MECOM: variants seen among roughly 807,000 people sequenced by gnomAD.
MECOM encodes the protein MDS1 and EVI1 complex locus.
MECOM carries 13 observed loss-of-function variants against 116.3 expected under a neutral mutation model. That is an observed-to-expected ratio of 0.11 (90% CI 0.07 to 0.18). The LOEUF (loss-of-function observed/expected upper bound fraction) is 0.18, where lower values mean the gene tolerates loss of function less well. MECOM is among the 10% of genes least tolerant of loss of function. The pLI is 1.00. For missense variants in MECOM, 1,299 were observed against 1,509.0 expected, an observed-to-expected ratio of 0.86 and a Z score of 2.31; for synonymous variants, 528 against 535.2, an observed-to-expected ratio of 0.99 and a Z score of 0.19.
At chr3:169,317,573 A>G (rs900601060) in intron 2 of MECOM, among the ~76,000 whole-genome samples, 8 of 152,150 alleles carry the variant, frequency 5.3e-5, no homozygotes, top group African/African-American at 1.9e-4. Context: ...CAAGAAACGA[A>G]ATCCTGGTTT....
chr3:169,389,085 C>T (rs1396895051), intron 1 of MECOM, among the ~76,000 whole-genome samples: 1 of 152,140 alleles, frequency 6.6e-6, no homozygotes, highest in Non-Finnish European at 1.5e-5. Flanking sequence ...GCTTTTAAAT[C>T]TGGTTAAGAG....
intron 7 of MECOM, among the ~76,000 whole-genome samples, chr3:169,118,641 C>G (rs935262129): frequency 6.6e-6 from 1 of 151,938 alleles, no homozygotes; most frequent in Non-Finnish European, 1.5e-5. Flanking sequence ...AGTATTCAAC[C>G]AAGACATAAG....
At chr3:169,525,506 A>G (rs1312625598) in intron 1 of MECOM, among the ~76,000 whole-genome samples, 1 of 152,210 alleles carries the variant, frequency 6.6e-6, no homozygotes, top group Non-Finnish European at 1.5e-5. Context: ...CCTTTAATGC[A>G]TATTAGAAGA....
chr3:169,659,088 A>AAAAAAAAAGAAAAG (rs1553909425), intron 1 of MECOM, among the ~76,000 whole-genome samples: 1 of 150,962 alleles, frequency 6.6e-6, no homozygotes, highest in African/African-American at 2.5e-5. Context: ...AAAAAAAAAA[A>AAAAAAAAAGAAAAG]AAAGAAAGAG....
At position 169,403,218 on chromosome 3, in the gene MECOM, C is replaced by G. The variant is rs904232410; in HGVS notation, c.38-21694G>C. 3.9e-5 allele frequency among the ~76,000 whole-genome samples: 6 copies of G among 152,290 alleles called. No individual in the cohort carries two copies. The South Asian group carries it at 6.2e-4, about 16-fold the overall frequency. ...GCCCACAGGTCCCTCAGCCTATGTG[C>G]CTTCTTCCCCAAAGGAGATCTGATC... On this transcript the variant is annotated intron_variant, in intron 1 of 16. Transcript: ENST00000651503.
chr3:169,456,418 C>G (rs1746511985), intron 1 of MECOM, among the ~76,000 whole-genome samples: 1 of 152,150 alleles, frequency 6.6e-6, no homozygotes, highest in Non-Finnish European at 1.5e-5. Flanking sequence ...TATATATTCA[C>G]CAAGTCAGTA....
At chr3:169,256,126 A>C (rs942099498) in intron 2 of MECOM, among the ~76,000 whole-genome samples, 1 of 152,226 alleles carries the variant, frequency 6.6e-6, no homozygotes, top group Non-Finnish European at 1.5e-5. Flanking sequence ...AAATCAAACC[A>C]ATATAAATAA....
At chr3:169,413,768 C>T (rs1738019522) in intron 1 of MECOM, among the ~76,000 whole-genome samples, 1 of 152,088 alleles carries the variant, frequency 6.6e-6, no homozygotes, top group Admixed American at 6.5e-5. Flanking sequence ...ACAAAGCCAC[C>T]AGGAGGTTTC....
At chr3:169,483,196 AT>A (rs757660718) in intron 1 of MECOM, among the ~76,000 whole-genome samples, 243 of 104,772 alleles carry the variant, frequency 2.3e-3, no homozygotes, top group Non-Finnish European at 3.6e-3. Flanking sequence ...TTTTATTTTT[AT>A]TTTTATTTTT....
chr3:169,222,369 C>T (rs1752235239), intron 2 of MECOM, among the ~76,000 whole-genome samples: 1 of 152,184 alleles, frequency 6.6e-6, no homozygotes, highest in African/African-American at 2.4e-5. Context: ...TTGTTACAGC[C>T]TCTTATTCCT....
At chr3:169,457,992 G>A (rs965596864) in intron 1 of MECOM, among the ~76,000 whole-genome samples, 3 of 152,198 alleles carry the variant, frequency 2.0e-5, no homozygotes, top group African/African-American at 7.2e-5. Flanking sequence ...CCCAAGCTGC[G>A]CAATGGCAGG....
intron 1 of MECOM, among the ~76,000 whole-genome samples, chr3:169,642,662 G>A (rs1010863442): frequency 2.7e-4 from 41 of 151,810 alleles, no homozygotes; most frequent in African/African-American, 8.2e-4. Flanking sequence ...AAATTATCTC[G>A]GAGATTGAGC....
rs907777059 is a variant in MECOM, at chr3:169,102,356, A to G, written c.2605-130T>C. ...ACGGGTTGTAGAAAGAGACTGTAGTATCCCAATATTAAATAAACAACAACA... is the reference window on the plus strand; with the variant it reads ...ACGGGTTGTAGAAAGAGACTGTAGTGTCCCAATATTAAATAAACAACAACA... On this transcript the variant is annotated intron_variant, in intron 10 of 16. Transcript: ENST00000651503. 4.6e-6 allele frequency: 3 copies of G among 655,556 alleles called. No individual in the cohort carries two copies. The African/African-American group carries it at 5.5e-5, about 12-fold the overall frequency. 40.6% of individuals were successfully genotyped at this position (655,556 alleles called of 1,614,324 possible).
chr3:169,474,011 T>A (rs1749965957), intron 1 of MECOM, among the ~76,000 whole-genome samples: 1 of 152,134 alleles, frequency 6.6e-6, no homozygotes, highest in Admixed American at 6.5e-5. Flanking sequence ...CAGGACAGAT[T>A]GGGTCAGTAG....
intron 2 of MECOM, among the ~76,000 whole-genome samples, chr3:169,246,680 C>A (rs1368281211): frequency 6.6e-6 from 1 of 152,000 alleles, no homozygotes; most frequent in African/African-American, 2.4e-5. Flanking sequence ...TGCCACCATG[C>A]CCAGCTAATT....
intron 2 of MECOM, among the ~76,000 whole-genome samples, chr3:169,310,539 G>T (rs1035846856): frequency 5.9e-5 from 9 of 152,212 alleles, no homozygotes; most frequent in African/African-American, 1.9e-4. Flanking sequence ...ATTTCCTAGA[G>T]AATTGCCTAG....
intron 2 of MECOM, among the ~76,000 whole-genome samples, chr3:169,316,286 C>T (rs1336220421): frequency 3.9e-5 from 6 of 152,228 alleles, no homozygotes; most frequent in Non-Finnish European, 1.5e-5. Flanking sequence ...AAAACACCCT[C>T]TCACATCTTG....
At chr3:169,450,697 AC>A (rs1356903645) in intron 1 of MECOM, among the ~76,000 whole-genome samples, 1 of 152,128 alleles carries the variant, frequency 6.6e-6, no homozygotes, top group Non-Finnish European at 1.5e-5. Context: ...GTGAAAACAC[AC>A]AGATCCTGAC....
chr3:169,124,114 A>T (rs1396204837), intron 5 of MECOM, among the ~76,000 whole-genome samples: 3 of 152,128 alleles, frequency 2.0e-5, no homozygotes. Context: ...GAATTAATGA[A>T]TCTAGGCAAT....
Sources: allele counts gnomAD v4.1 joint callset (sites outside exome capture counted in the v4.1 genomes callset), GRCh38; gene constraint gnomAD v4.1.1; transcripts MANE v1.5; gene names NCBI Gene and HGNC (gene_info 2026-07-23, HGNC 2026-07-21).